PSMB2: variants seen among roughly 807,000 people sequenced by gnomAD.
The protein encoded by PSMB2 is proteasome 20S subunit beta 2, also known as proteasome subunit beta type-2.
PSMB2 carries 13 observed loss-of-function variants against 25.7 expected under a neutral mutation model. The observed-to-expected ratio is 0.51, with a 90% CI of 0.33 to 0.80. PSMB2 has a LOEUF of 0.80. PSMB2 is among the 30% of genes least tolerant of loss of function. The pLI is 0.02. For synonymous variants in PSMB2, 87 were observed against 96.2 expected, an observed-to-expected ratio of 0.90 and a Z score of 0.56; for missense variants, 202 against 259.0, an observed-to-expected ratio of 0.78 and a Z score of 1.51.
At chr1:35,614,376 T>C (rs543715359) in intron 3 of PSMB2, among the ~76,000 whole-genome samples, 60 of 152,348 alleles carry the variant, frequency 3.9e-4, no homozygotes, top group African/African-American at 1.3e-3. Flanking sequence ...GTGATCCTCT[T>C]GACAAAGAAT....
chr1:35,624,666 T>C (rs149210512), intron 3 of PSMB2, among the ~76,000 whole-genome samples: 5 of 151,784 alleles, frequency 3.3e-5, no homozygotes, highest in East Asian at 1.9e-4. Flanking sequence ...TGCAGGAGAA[T>C]TGCTCAAACC....
In PSMB2 at chr1:35,599,620, G is replaced by C. The variant is rs1382386933; in HGVS notation, c.*3647C>G. On this transcript the variant is annotated 3_prime_UTR_variant, in exon 6 of 6. Coordinates refer to ENST00000373237, the MANE Select transcript of PSMB2 (RefSeq NM_002794.5). ...TTAGGTTCGGAGAGGATTATGGAAT[G>C]CCTAGCATGTCAAATCAAAGAATTG... 2 of 984,084 alleles carry C rather than the reference G, an allele frequency of 2.0e-6. No individual in the cohort carries two copies. Among genetic ancestry groups the C allele is most frequent in the African/African-American group, 3.5e-5 (2 of 57,206 alleles). The allele number at this position is 984,084 out of a possible 1,614,324, so 61.0% of individuals were successfully genotyped here.
chr1:35,606,992 T>C (rs1255710953), intron 4 of PSMB2, among the ~76,000 whole-genome samples: 1 of 152,164 alleles, frequency 6.6e-6, no homozygotes, highest in Non-Finnish European at 1.5e-5. Context: ...AAAAACTGGA[T>C]ATCCATACAC....
At chr1:35,621,335 T>C (rs1490219467) in intron 3 of PSMB2, among the ~76,000 whole-genome samples, 1 of 152,192 alleles carries the variant, frequency 6.6e-6, no homozygotes, top group Non-Finnish European at 1.5e-5. Context: ...CCTCCATTTC[T>C]CCATCTGAAG....
intron 1 of PSMB2, among the ~76,000 whole-genome samples, chr1:35,640,734 C>T (rs1246777149): frequency 6.6e-6 from 1 of 150,580 alleles, no homozygotes; most frequent in Non-Finnish European, 1.5e-5. Flanking sequence ...TCATTACTAG[C>T]GACACCAGGA....
chr1:35,614,095 T>G (rs1438450441), intron 3 of PSMB2, among the ~76,000 whole-genome samples: 1 of 152,218 alleles, frequency 6.6e-6, no homozygotes, highest in Non-Finnish European at 1.5e-5. Context: ...TCCTCCTCTC[T>G]CATTCCTGGG....
chr1:35,604,160 G>C (rs1405221999), intron 5 of PSMB2, among the ~76,000 whole-genome samples: 1 of 152,068 alleles, frequency 6.6e-6, no homozygotes, highest in Admixed American at 6.5e-5. Flanking sequence ...AAACCACGAG[G>C]TCAAGTTCAT....
chr1:35,603,450 G>A, intron 5 of PSMB2, 76 bp from the exon 6 acceptor site: 1 of 1,517,564 alleles, frequency 6.6e-7, no homozygotes, highest in Non-Finnish European at 8.9e-7. Flanking sequence ...TCTAGACACT[G>A]GGGATACAAG....
At chr1:35,613,198 G>A (rs1046267545) in intron 3 of PSMB2, among the ~76,000 whole-genome samples, 17 of 152,182 alleles carry the variant, frequency 1.1e-4, no homozygotes, top group African/African-American at 4.1e-4. Flanking sequence ...ATACATCTGT[G>A]CAACAACTTG....
chr1:35,637,435 A>G (rs7535473), intron 1 of PSMB2, among the ~76,000 whole-genome samples: 3,070 of 152,332 alleles, frequency 0.02, 91 homozygotes, highest in East Asian at 0.058. Flanking sequence ...TTCAGATTAG[A>G]CAGATAAATA....
At chr1:35,634,633 C>A (rs1651194360) in intron 2 of PSMB2, among the ~76,000 whole-genome samples, 1 of 152,122 alleles carries the variant, frequency 6.6e-6, no homozygotes, top group South Asian at 2.1e-4. Context: ...CCATCTCAGC[C>A]TCTCAAAAGT....
chr1:35,624,791 G>A (rs1014713739), intron 3 of PSMB2, among the ~76,000 whole-genome samples: 22 of 151,306 alleles, frequency 1.5e-4, no homozygotes, highest in African/African-American at 4.6e-4. Context: ...CGCCAGGCAC[G>A]GTGGCTCACG....
At chr1:35,605,150 A>C in intron 5 of PSMB2, 83 bp downstream of exon 5, 14 of 1,423,662 alleles carry the variant, frequency 9.8e-6, no homozygotes, top group Non-Finnish European at 1.4e-5. Context: ...CAAAAATCTG[A>C]AAAAATATAA....
At chr1:35,635,961 G>A (rs182335385) in intron 2 of PSMB2, among the ~76,000 whole-genome samples, 17 of 151,876 alleles carry the variant, frequency 1.1e-4, no homozygotes, top group Admixed American at 5.2e-4. Flanking sequence ...ATATGTTGAA[G>A]TCTTAATCCC....
intron 3 of PSMB2, among the ~76,000 whole-genome samples, chr1:35,611,284 CT>C (rs1182057280): frequency 6.6e-6 from 1 of 152,128 alleles, no homozygotes. Context: ...TCTTTGAACA[CT>C]GATTAACACG....
At chr1:35,617,874 G>C (rs1186524873) in intron 3 of PSMB2, among the ~76,000 whole-genome samples, 22 of 152,268 alleles carry the variant, frequency 1.4e-4, no homozygotes. Flanking sequence ...GTGAACATTT[G>C]CCACTTCCAT....
At chr1:35,609,096 G>T in intron 4 of PSMB2, 150 bp downstream of exon 4, 1 of 685,040 alleles carries the variant, frequency 1.5e-6, no homozygotes, top group Non-Finnish European at 2.2e-6. Flanking sequence ...ACTGACAGAA[G>T]AGTGCAGCTT....
chr1:35,615,529 G>A (rs916701799), intron 3 of PSMB2, among the ~76,000 whole-genome samples: 20 of 152,208 alleles, frequency 1.3e-4, no homozygotes, highest in African/African-American at 4.6e-4. Context: ...TACAGCTAAA[G>A]AGAATGGTTG....
At chr1:35,636,992 A>C (rs1651261120) in intron 1 of PSMB2, among the ~76,000 whole-genome samples, 1 of 152,226 alleles carries the variant, frequency 6.6e-6, no homozygotes, top group Admixed American at 6.5e-5. Flanking sequence ...TTTCGGTTGG[A>C]GAATATACAT....
Sources: allele counts gnomAD v4.1 joint callset (sites outside exome capture counted in the v4.1 genomes callset), GRCh38; gene constraint gnomAD v4.1.1; transcripts MANE v1.5; gene names NCBI Gene and HGNC (gene_info 2026-07-23, HGNC 2026-07-21).